The following CACNA2D3 variants were observed in gnomAD, a reference collection of about 807,000 sequenced individuals.
CACNA2D3 encodes voltage-dependent calcium channel subunit alpha-2/delta-3.
Under a neutral mutation model 160.6 loss-of-function variants are expected in CACNA2D3, and 60 were observed. That is an observed-to-expected ratio of 0.37 (90% CI 0.30 to 0.46). The LOEUF (loss-of-function observed/expected upper bound fraction) is 0.46. CACNA2D3 is among the 20% of genes least tolerant of loss of function. The pLI, the probability that CACNA2D3 is intolerant of heterozygous loss-of-function variation, is 1.00. For missense variants in CACNA2D3, 1,205 were observed against 1,365.0 expected, an observed-to-expected ratio of 0.88 and a Z score of 1.85; for synonymous variants, 558 against 492.9, an observed-to-expected ratio of 1.13 and a Z score of -1.75.
At chr3:54,975,240 T>C (rs773004881) in intron 29 of CACNA2D3, among the ~76,000 whole-genome samples, 13 of 152,148 alleles carry the variant, frequency 8.5e-5, no homozygotes, top group Admixed American at 5.2e-4. Context: ...AAAATGTGGC[T>C]GGGCACGATG....
At chr3:54,764,081 A>C (rs553396074) in intron 12 of CACNA2D3, 137 bp from the exon 13 acceptor site, 57 of 876,838 alleles carry the variant, frequency 6.5e-5, no homozygotes, top group Non-Finnish European at 9.5e-5. Context: ...GAAAAGAAAA[A>C]TGGGGGAGAG....
At chr3:54,310,592 G>A (rs1478161151) in intron 2 of CACNA2D3, among the ~76,000 whole-genome samples, 1 of 152,272 alleles carries the variant, frequency 6.6e-6, no homozygotes, top group African/African-American at 2.4e-5. Flanking sequence ...TTGGAGCCTT[G>A]TGAATGTATT....
intron 2 of CACNA2D3, among the ~76,000 whole-genome samples, chr3:54,285,037 C>T (rs1001737044): frequency 3.3e-5 from 5 of 152,196 alleles, no homozygotes; most frequent in Non-Finnish European, 5.9e-5. Context: ...GCATTTCCAT[C>T]TGAGGTACCG....
At chr3:54,706,666 C>T (rs1700862401) in intron 11 of CACNA2D3, among the ~76,000 whole-genome samples, 1 of 152,148 alleles carries the variant, frequency 6.6e-6, no homozygotes, top group Admixed American at 6.5e-5. Context: ...GATCTTGTAA[C>T]TGGTTGCCAA....
At chr3:54,364,580 T>TA (rs956334382) in intron 3 of CACNA2D3, among the ~76,000 whole-genome samples, 1 of 152,162 alleles carries the variant, frequency 6.6e-6, no homozygotes, top group African/African-American at 2.4e-5. Flanking sequence ...TCCTTCAGCC[T>TA]AAAAAAATTG....
chr3:54,656,864 C>T (rs577409848), intron 11 of CACNA2D3, among the ~76,000 whole-genome samples: 22 of 152,268 alleles, frequency 1.4e-4, no homozygotes, highest in African/African-American at 5.3e-4. Context: ...TTGGTGCATG[C>T]GGATGTATGT....
intron 4 of CACNA2D3, among the ~76,000 whole-genome samples, chr3:54,416,237 C>A (rs1699752613): frequency 6.6e-6 from 1 of 152,212 alleles, no homozygotes; most frequent in South Asian, 2.1e-4. Flanking sequence ...ACTCCCAGGT[C>A]ACTTGCAAAG....
In CACNA2D3 at chr3:54,883,213, A is replaced by T. The variant is rs1699842523; in HGVS notation, c.1913-2068A>T. Among the ~76,000 whole-genome samples, 3 of 152,196 alleles carry T rather than the reference A, an allele frequency of 2.0e-5. No individual in the cohort carries two copies. In the South Asian group the frequency reaches 6.2e-4, roughly 32 times the overall value. On this transcript the variant is annotated intron_variant, in intron 21 of 37. Transcript: ENST00000474759. ...TAATTTTTGTATTTTTAGTAGAGAC[A>T]GGGTTTCACCATGTTGGTTAGACTG...
chr3:54,392,997 A>G (rs1016976637), intron 4 of CACNA2D3, among the ~76,000 whole-genome samples: 1 of 152,178 alleles, frequency 6.6e-6, no homozygotes, highest in Non-Finnish European at 1.5e-5. Flanking sequence ...AAAGCAAAGA[A>G]TAAACTGCTG....
intron 2 of CACNA2D3, among the ~76,000 whole-genome samples, chr3:54,165,865 G>A (rs1267168948): frequency 6.6e-6 from 1 of 152,124 alleles, no homozygotes; most frequent in Admixed American, 6.5e-5. Flanking sequence ...TTGTCCCCTA[G>A]TCACATCTTA....
chr3:54,800,675 A>C (rs1262418835), intron 13 of CACNA2D3, among the ~76,000 whole-genome samples: 2 of 152,174 alleles, frequency 1.3e-5, no homozygotes, highest in Admixed American at 1.3e-4. Context: ...CATCTCAAAG[A>C]ATGTCTGCCA....
chr3:54,242,236 C>G (rs1353080634), intron 2 of CACNA2D3, among the ~76,000 whole-genome samples: 1 of 151,760 alleles, frequency 6.6e-6, no homozygotes, highest in African/African-American at 2.4e-5. Flanking sequence ...GCCTGGCCAA[C>G]ATGGTGAAAT....
intron 3 of CACNA2D3, among the ~76,000 whole-genome samples, chr3:54,341,200 A>G (rs1405420718): frequency 6.6e-6 from 1 of 152,224 alleles, no homozygotes; most frequent in Non-Finnish European, 1.5e-5. Flanking sequence ...GAGTTCCATT[A>G]AAGAAGTCCG....
intron 17 of CACNA2D3, among the ~76,000 whole-genome samples, chr3:54,863,367 G>A (rs1025307150): frequency 7.9e-5 from 12 of 152,066 alleles, no homozygotes; most frequent in East Asian, 1.9e-4. Flanking sequence ...TTTTCTCAGC[G>A]TTACTCCTTT....
intron 4 of CACNA2D3, among the ~76,000 whole-genome samples, chr3:54,438,081 A>G (rs1357641070): frequency 1.3e-5 from 2 of 152,184 alleles, no homozygotes; most frequent in South Asian, 4.1e-4. Flanking sequence ...TTCTCTGAAG[A>G]TGAAGGCTTG....
At position 54,471,991 on chromosome 3, in the gene CACNA2D3, C is replaced by T. The variant is rs530149693; in HGVS notation, c.382-31501C>T. 2.6e-5 allele frequency among the ~76,000 whole-genome samples: 4 copies of T among 152,220 alleles called. No individual in the cohort carries two copies. The South Asian group carries it at 6.2e-4, about 24-fold the overall frequency. On this transcript the variant is annotated intron_variant, in intron 4 of 37. Transcript: ENST00000474759. ...GTACAAAGAGGAGTTGGTACCATTC[C>T]TTCTGAAATAACTCCAAATGATAGA...
chr3:55,006,794 A>G (rs1468322083), intron 32 of CACNA2D3, among the ~76,000 whole-genome samples: 1 of 152,232 alleles, frequency 6.6e-6, no homozygotes, highest in Non-Finnish European at 1.5e-5. Flanking sequence ...TTCTTGTTTC[A>G]TTTAAAACTG....
chr3:54,749,505 TTTTA>T (rs1701817377), intron 11 of CACNA2D3, among the ~76,000 whole-genome samples: 2 of 152,230 alleles, frequency 1.3e-5, no homozygotes, highest in Non-Finnish European at 2.9e-5. Flanking sequence ...CCCATAAGCA[TTTTA>T]TTTGTTATTC....
At chr3:54,773,677 T>G (rs1056652859) in intron 13 of CACNA2D3, among the ~76,000 whole-genome samples, 1 of 152,238 alleles carries the variant, frequency 6.6e-6, no homozygotes, top group Non-Finnish European at 1.5e-5. Context: ...ATTACTGTTA[T>G]GATTATTTTT....
Sources: allele counts gnomAD v4.1 joint callset (sites outside exome capture counted in the v4.1 genomes callset), GRCh38; gene constraint gnomAD v4.1.1; transcripts MANE v1.5; gene names NCBI Gene and HGNC (gene_info 2026-07-23, HGNC 2026-07-21).